The following PARD3B variants were observed in gnomAD, a reference collection of about 807,000 sequenced individuals.
The protein encoded by PARD3B is par-3 family cell polarity regulator beta.
A neutral mutation model predicts 130.2 loss-of-function variants in PARD3B; 103 were observed. The observed-to-expected ratio is 0.79, with a 90% CI of 0.67 to 0.93. PARD3B has a LOEUF of 0.93. Ranked by LOEUF, PARD3B falls within the 40% of genes least tolerant of loss-of-function variation. PARD3B has a pLI of 0.00. For missense variants in PARD3B, 1,609 were observed against 1,499.2 expected (o/e 1.07, Z -1.21); for synonymous variants, 583 against 553.2 (o/e 1.05, Z -0.76).
intron 2 of PARD3B, among the ~76,000 whole-genome samples, chr2:204,790,017 C>A (rs1198573208): frequency 6.6e-6 from 1 of 152,024 alleles, no homozygotes; most frequent in Non-Finnish European, 1.5e-5. Flanking sequence ...ACTACAGGTG[C>A]CTGCCACCGC....
At position 205,281,424 on chromosome 2, in the gene PARD3B, A is replaced by G. The variant is rs1016672869; in HGVS notation, c.2186-19106A>G. On this transcript the variant is annotated intron_variant, in intron 16 of 22. Transcript: ENST00000406610. The surrounding 1 kb of genome is among the most constrained non-coding windows in gnomAD (Gnocchi z 4.2). ...TTTTCTGGTCTTCATATTGCACACAAAAGTTCTCTGAAAACGAAGTTGAAA... is the reference window on the plus strand; with the variant it reads ...TTTTCTGGTCTTCATATTGCACACAGAAGTTCTCTGAAAACGAAGTTGAAA... 3.3e-5 allele frequency among the ~76,000 whole-genome samples: 5 copies of G among 152,270 alleles called. No homozygotes were observed. Among genetic ancestry groups the G allele is most frequent in the Admixed American group, 6.5e-5 (1 of 15,292 alleles).
Position 205,617,080 on chromosome 2 carries a change from T to A in PARD3B, c.*1267T>A, listed in dbSNP as rs10804149. On this transcript the variant is annotated 3_prime_UTR_variant, in exon 23 of 23. Coordinates refer to ENST00000406610, the MANE Select transcript of PARD3B (RefSeq NM_001302769.2). ...CTATATTTCATTAGCTAAAGTCAGG[T>A]CAGGGCAGGGCCAAGGCCTCCAATT... 0.1 allele frequency: 15,479 copies of A among 154,464 alleles called. 833 individuals carry two copies. Among genetic ancestry groups the A allele is most frequent in the South Asian group, 0.13 (646 of 4,918 alleles). The allele number at this position is 154,464 out of a possible 1,614,324, so 9.6% of individuals were successfully genotyped here. A position where few individuals can be genotyped will look rare whatever the true frequency, so the allele number is the denominator to read the frequency against.
chr2:205,054,967 A>G (rs1699542582), intron 4 of PARD3B, among the ~76,000 whole-genome samples: 2 of 152,146 alleles, frequency 1.3e-5, no homozygotes, highest in Admixed American at 1.3e-4. Flanking sequence ...TGCCATGTGC[A>G]GTATCTCTAT....
intron 2 of PARD3B, among the ~76,000 whole-genome samples, chr2:204,706,765 A>G (rs2038183973): frequency 6.6e-6 from 1 of 152,204 alleles, no homozygotes; most frequent in South Asian, 2.1e-4. Context: ...GGTAAGTAGT[A>G]GATGCATCTA....
chr2:205,261,033 T>C (rs1236368833), intron 16 of PARD3B, among the ~76,000 whole-genome samples: 1 of 152,146 alleles, frequency 6.6e-6, no homozygotes, highest in African/African-American at 2.4e-5. Context: ...CATCACTCAC[T>C]GTTGGTTTTT....
At chr2:205,471,229 T>C (rs1384881845) in intron 20 of PARD3B, among the ~76,000 whole-genome samples, 2 of 152,210 alleles carry the variant, frequency 1.3e-5, no homozygotes. Context: ...TTCAGTTTTA[T>C]GTAACCAGTA....
intron 2 of PARD3B, among the ~76,000 whole-genome samples, chr2:204,800,946 C>T (rs188961880): frequency 3.9e-5 from 6 of 152,210 alleles, no homozygotes; most frequent in Non-Finnish European, 7.4e-5. Flanking sequence ...CCAGTTTTCC[C>T]AACAGTATTT....
At chr2:205,238,612 A>G (rs1263685396) in intron 15 of PARD3B, among the ~76,000 whole-genome samples, 1 of 151,686 alleles carries the variant, frequency 6.6e-6, no homozygotes, top group African/African-American at 2.4e-5. Context: ...CGGGTGTATC[A>G]CCTGAGGTCA....
chr2:204,922,444 T>C (rs1472811645), intron 2 of PARD3B, among the ~76,000 whole-genome samples: 1 of 152,126 alleles, frequency 6.6e-6, no homozygotes, highest in Non-Finnish European at 1.5e-5. Context: ...ATTGAATGAA[T>C]AAATGTAAGA....
chr2:205,126,175 A>T (rs76019121), intron 10 of PARD3B, among the ~76,000 whole-genome samples: 7,269 of 152,296 alleles, frequency 0.048, 237 homozygotes, highest in Middle Eastern at 0.14. Flanking sequence ...GAGTGCCATG[A>T]TAACATAGAA....
chr2:204,982,300 G>C (rs1029340252), intron 3 of PARD3B, among the ~76,000 whole-genome samples: 1 of 152,076 alleles, frequency 6.6e-6, no homozygotes, highest in African/African-American at 2.4e-5. Flanking sequence ...TATTGATGAG[G>C]AATTTCTTGT....
intron 22 of PARD3B, among the ~76,000 whole-genome samples, chr2:205,581,251 G>GGT: frequency 7.5e-6 from 1 of 133,388 alleles, no homozygotes; most frequent in Non-Finnish European, 1.5e-5. Flanking sequence ...GATATATATA[G>GGT]ATATATATAG....
rs2106601351 is a variant in PARD3B at position 205,592,194 on chromosome 2, A to G, written c.3261-23262A>G. Among the ~76,000 whole-genome samples the G allele has an allele frequency of 6.6e-6, 1 of 152,320 alleles. No individual in the cohort carries two copies. The highest frequency in any genetic ancestry group is 2.4e-5 in the African/African-American group (1 of 41,576). On this transcript the variant is annotated intron_variant, in intron 22 of 22. Coordinates refer to ENST00000406610, the MANE Select transcript of PARD3B (RefSeq NM_001302769.2). This position sits in a 1 kb window ranked among gnomAD's most constrained non-coding sequence, Gnocchi z 4.5. Reference sequence around the variant, plus strand: ...CATTCAAAGCCAATGGCAGAGCTGGAACTTGAACCCAGGTGTTTTGCCTCA... The same window carrying G: ...CATTCAAAGCCAATGGCAGAGCTGGGACTTGAACCCAGGTGTTTTGCCTCA...
At chr2:205,027,892 T>G (rs1411626933) in intron 3 of PARD3B, among the ~76,000 whole-genome samples, 1 of 152,146 alleles carries the variant, frequency 6.6e-6, no homozygotes, top group African/African-American at 2.4e-5. Flanking sequence ...AGGTTTATTT[T>G]TGTGCTCTCT....
At chr2:205,149,689 T>G (rs2033613177) in intron 10 of PARD3B, among the ~76,000 whole-genome samples, 1 of 152,168 alleles carries the variant, frequency 6.6e-6, no homozygotes, top group Non-Finnish European at 1.5e-5. Context: ...TCCTGGGACT[T>G]GGAAACATAT....
chr2:205,333,840 T>G (rs980232733), intron 18 of PARD3B, among the ~76,000 whole-genome samples: 1 of 152,168 alleles, frequency 6.6e-6, no homozygotes, highest in African/African-American at 2.4e-5. Context: ...TTTTCCTTGT[T>G]ATTCTGGTAT....
At chr2:205,448,592 A>G (rs1030586543) in intron 20 of PARD3B, among the ~76,000 whole-genome samples, 11 of 152,132 alleles carry the variant, frequency 7.2e-5, no homozygotes, top group African/African-American at 2.7e-4. Context: ...TTGTACTCCA[A>G]TGTATTTGTT....
At chr2:205,383,407 G>C (rs992372110) in intron 18 of PARD3B, among the ~76,000 whole-genome samples, 1 of 151,864 alleles carries the variant, frequency 6.6e-6, no homozygotes, top group African/African-American at 2.4e-5. Context: ...CTAGTACTAA[G>C]CAGAGTGCAG....
At chr2:205,520,202 G>A (rs1034709870) in intron 21 of PARD3B, among the ~76,000 whole-genome samples, 1 of 152,188 alleles carries the variant, frequency 6.6e-6, no homozygotes, top group East Asian at 1.9e-4. Context: ...ATGCAGGTCA[G>A]TAATCCCTCA....
Sources: gnomAD v4.1 joint callset for allele counts (sites outside exome capture counted in the v4.1 genomes callset) on GRCh38, gnomAD v4.1.1 for gene constraint, Gnocchi (gnomAD v3.1) non-coding constraint, MANE v1.5 for transcripts, NCBI Gene and HGNC (gene_info 2026-07-23, HGNC 2026-07-21) for gene names.